The following IMMP2L variants were observed in gnomAD, a reference collection of about 807,000 sequenced individuals.
IMMP2L encodes mitochondrial inner membrane protease subunit 2.
A neutral mutation model predicts 19.3 loss-of-function variants in IMMP2L; 18 were observed. That is an observed-to-expected ratio of 0.93 (90% confidence interval 0.64 to 1.38). The LOEUF (loss-of-function observed/expected upper bound fraction) is 1.38. Among genes scored for constraint, IMMP2L ranks in the 40% most tolerant of loss-of-function variants. The pLI, the probability that IMMP2L is intolerant of heterozygous loss-of-function variation, is 0.00. For missense variants in IMMP2L, 233 were observed against 218.2 expected, an observed-to-expected ratio of 1.07 and a Z score of -0.43; for synonymous variants, 76 against 73.0, an observed-to-expected ratio of 1.04 and a Z score of -0.21.
intron 5 of IMMP2L, among the ~76,000 whole-genome samples, chr7:110,689,353 T>A (rs181607479): frequency 7.8e-5 from 11 of 141,372 alleles, no homozygotes; most frequent in Admixed American, 6.7e-4. Flanking sequence ...TTTCCATCTA[T>A]TTTCCATTTT....
Position 110,866,522 on chromosome 7 carries a change from G to C in IMMP2L, c.408+20071C>G, listed in dbSNP as rs184026967. On this transcript the variant is annotated intron_variant, in intron 5 of 5. Coordinates refer to ENST00000405709, the MANE Select transcript of IMMP2L (RefSeq NM_032549.4). ...CTCTTCCCTCTATTGCTTCACTCTT[G>C]GTAGCACATCAGGGCCCATCCTCCC... 2.3e-3 allele frequency among the ~76,000 whole-genome samples: 352 copies of C among 151,944 alleles called. 1 individual carries two copies. The highest frequency in any genetic ancestry group is 8.2e-3 in the African/African-American group (342 of 41,492).
chr7:110,751,462 C>A (rs559032012), intron 5 of IMMP2L, among the ~76,000 whole-genome samples: 1 of 151,946 alleles, frequency 6.6e-6, no homozygotes, highest in South Asian at 2.1e-4. Flanking sequence ...CTCTAAGAGG[C>A]CTTGAGGAAA....
At chr7:111,060,332 C>T (rs569505320) in intron 3 of IMMP2L, among the ~76,000 whole-genome samples, 3 of 152,130 alleles carry the variant, frequency 2.0e-5, no homozygotes, top group African/African-American at 4.8e-5. Flanking sequence ...ATACAAGAAA[C>T]CACATTATTT....
intron 3 of IMMP2L, among the ~76,000 whole-genome samples, chr7:111,106,775 C>T (rs1798595972): frequency 6.7e-6 from 1 of 149,802 alleles, no homozygotes; most frequent in Admixed American, 6.7e-5. Context: ...AAGACTTCTG[C>T]TGTACCATTT....
chr7:111,333,063 AC>A (rs1826035108), intron 3 of IMMP2L, among the ~76,000 whole-genome samples: 2 of 151,762 alleles, frequency 1.3e-5, no homozygotes, highest in African/African-American at 4.8e-5. Context: ...AATAGCCCAG[AC>A]CCTCCAGGAA....
chr7:111,537,953 T>C (rs1227182471), intron 1 of IMMP2L, among the ~76,000 whole-genome samples: 1 of 152,044 alleles, frequency 6.6e-6, no homozygotes, highest in African/African-American at 2.4e-5. Flanking sequence ...TCTACATCAC[T>C]CTTCCCACCT....
intron 3 of IMMP2L, among the ~76,000 whole-genome samples, chr7:111,419,578 A>G (rs1009184789): frequency 6.6e-6 from 1 of 151,672 alleles, no homozygotes; most frequent in East Asian, 1.9e-4. Context: ...TCTCTTATCT[A>G]CCTATGACCT....
chr7:111,047,978 G>C (rs1792576127), intron 3 of IMMP2L, among the ~76,000 whole-genome samples: 1 of 151,608 alleles, frequency 6.6e-6, no homozygotes, highest in Non-Finnish European at 1.5e-5. Context: ...GGTGGCTCAC[G>C]CTTGTAATCC....
intron 5 of IMMP2L, among the ~76,000 whole-genome samples, chr7:110,683,469 T>A (rs187660138): frequency 2.6e-5 from 4 of 152,154 alleles, no homozygotes; most frequent in Non-Finnish European, 5.9e-5. Context: ...TCATTTCTGA[T>A]AAATAATTGT....
At chr7:111,155,866 T>C (rs1292515496) in intron 3 of IMMP2L, among the ~76,000 whole-genome samples, 1 of 152,054 alleles carries the variant, frequency 6.6e-6, no homozygotes, top group Non-Finnish European at 1.5e-5. Flanking sequence ...TTACACCCCA[T>C]CCCAGTGATT....
rs565862940 is a variant in IMMP2L at position 110,757,627 on chromosome 7, C to T, written c.409-93906G>A. On this transcript the variant is annotated intron_variant, in intron 5 of 5. Transcript: ENST00000405709. This position sits in a 1 kb window ranked among gnomAD's most constrained non-coding sequence, Gnocchi z 4.2. ...GCCTGTCTACCCATATCTCATATAC[C>T]GGGTTCTATAAGTGCTCCCAGCCCT... Among the ~76,000 whole-genome samples the T allele has an allele frequency of 5.9e-5, 9 of 152,162 alleles. No homozygotes were observed. Among genetic ancestry groups the T allele is most frequent in the Non-Finnish European group, 8.8e-5 (6 of 68,000 alleles).
At chr7:110,735,909 T>C (rs1313751164) in intron 5 of IMMP2L, among the ~76,000 whole-genome samples, 1 of 148,358 alleles carries the variant, frequency 6.7e-6, no homozygotes, top group South Asian at 2.1e-4. Flanking sequence ...TCAGAGATTG[T>C]TGGGGCTGCC....
At chr7:110,771,268 G>A (rs1799013205) in intron 5 of IMMP2L, among the ~76,000 whole-genome samples, 2 of 152,146 alleles carry the variant, frequency 1.3e-5, no homozygotes, top group South Asian at 4.1e-4. Context: ...ACACGTTAGT[G>A]TTGATGCTGT....
At chr7:111,048,556 T>A (rs2129572357) in intron 3 of IMMP2L, among the ~76,000 whole-genome samples, 1 of 152,306 alleles carries the variant, frequency 6.6e-6, no homozygotes, top group African/African-American at 2.4e-5. Context: ...TAACACTGGT[T>A]ATTGTTAGAT....
intron 3 of IMMP2L, among the ~76,000 whole-genome samples, chr7:111,052,497 T>C (rs1793093401): frequency 6.6e-6 from 1 of 152,248 alleles, no homozygotes; most frequent in Non-Finnish European, 1.5e-5. Context: ...AATCCATTTA[T>C]GTCCTGGAAG....
intron 3 of IMMP2L, among the ~76,000 whole-genome samples, chr7:111,072,639 T>C (rs1037389782): frequency 1.3e-5 from 2 of 151,856 alleles, no homozygotes; most frequent in Non-Finnish European, 2.9e-5. Context: ...GCTCACACCA[T>C]AATCCCAGCA....
intron 3 of IMMP2L, among the ~76,000 whole-genome samples, chr7:111,296,743 A>G (rs1391708538): frequency 6.6e-6 from 1 of 152,056 alleles, no homozygotes; most frequent in Non-Finnish European, 1.5e-5. Flanking sequence ...AGATATTCAT[A>G]ACAGACTTTT....
intron 5 of IMMP2L, among the ~76,000 whole-genome samples, chr7:110,867,934 T>C (rs995866706): frequency 6.6e-6 from 1 of 152,034 alleles, no homozygotes; most frequent in African/African-American, 2.4e-5. Context: ...TGCTCAGTCA[T>C]GGTGTTGTCA....
intron 3 of IMMP2L, among the ~76,000 whole-genome samples, chr7:111,361,458 T>G (rs575616138): frequency 6.6e-6 from 1 of 152,178 alleles, no homozygotes; most frequent in Non-Finnish European, 1.5e-5. Flanking sequence ...AACTCACTAT[T>G]CAGAGTTATA....
Sources: allele counts gnomAD v4.1 joint callset (sites outside exome capture counted in the v4.1 genomes callset), GRCh38; gene constraint gnomAD v4.1.1; non-coding constraint Gnocchi (gnomAD v3.1); transcripts MANE v1.5; gene names NCBI Gene and HGNC (gene_info 2026-07-23, HGNC 2026-07-21).